The following EFCAB6 variants were observed in gnomAD, a reference collection of about 807,000 sequenced individuals.
EFCAB6 encodes EF-hand calcium binding domain 6.
Under a neutral mutation model 169.8 loss-of-function variants are expected in EFCAB6, and 156 were observed. The observed-to-expected ratio is 0.92, with a 90% CI of 0.81 to 1.05. The LOEUF is 1.05. EFCAB6 is among the 50% of genes least tolerant of loss of function. EFCAB6 has a pLI of 0.00. For missense variants in EFCAB6, 1,800 were observed against 1,829.1 expected (o/e 0.98, Z 0.29); for synonymous variants, 698 against 676.4 (o/e 1.03, Z -0.50).
chr22:43,674,380 G>T (rs1206590991), intron 13 of EFCAB6, among the ~76,000 whole-genome samples: 2 of 152,168 alleles, frequency 1.3e-5, no homozygotes, highest in African/African-American at 4.8e-5. Context: ...GTGGAGACAG[G>T]ACCACATCAG....
At chr22:43,603,258 T>C (rs2147561334) in intron 22 of EFCAB6, among the ~76,000 whole-genome samples, 1 of 152,272 alleles carries the variant, frequency 6.6e-6, no homozygotes, top group East Asian at 1.9e-4. Flanking sequence ...CAACTGCAAC[T>C]AAAATATTGT....
At chr22:43,622,030 T>A (rs1391080908) in intron 20 of EFCAB6, among the ~76,000 whole-genome samples, 1 of 152,148 alleles carries the variant, frequency 6.6e-6, no homozygotes, top group South Asian at 2.1e-4. Context: ...ATTAACTGGA[T>A]TTATAGGTAC....
rs768007652 is a variant in EFCAB6, at chr22:43,530,856, C to T, written c.4342G>A (p.Glu1448Lys). The T allele has an allele frequency of 1.2e-6, 2 of 1,614,080 alleles. No homozygotes were observed. The highest frequency in any genetic ancestry group is 1.3e-5 in the African/African-American group (1 of 74,948). Residue 1448 changes from glutamate to lysine, a missense_variant, in exon 31 of 32, where the codon GAG (glutamate) becomes AAG (lysine). Glu to Lys is a moderately conservative substitution (Grantham distance 56). Coordinates refer to ENST00000262726, the MANE Select transcript of EFCAB6 (RefSeq NM_022785.4). ...PMRRTFKSYD[E>K]AGTGLLSVAD... is the part of the protein sequence containing the mutation. ...ACGCTTAGCAGCCCTGTTCCAGCCT[C>T]ATCATAGCTTTTGAACGTGCGCCGC...
At chr22:43,636,160 C>A (rs2055378023) in intron 17 of EFCAB6, among the ~76,000 whole-genome samples, 1 of 152,184 alleles carries the variant, frequency 6.6e-6, no homozygotes, top group Admixed American at 6.5e-5. Flanking sequence ...GGACGGAAGG[C>A]TTTCTAGGAG....
chr22:43,558,927 C>G (rs2048865271), intron 26 of EFCAB6, among the ~76,000 whole-genome samples: 2 of 152,102 alleles, frequency 1.3e-5, no homozygotes, highest in African/African-American at 4.8e-5. Flanking sequence ...CTGAGACATG[C>G]CTGTATGAAG....
intron 26 of EFCAB6, among the ~76,000 whole-genome samples, chr22:43,573,732 C>CAA (rs748024357): frequency 1.4e-3 from 119 of 85,300 alleles, no homozygotes; most frequent in East Asian, 4.7e-3. Flanking sequence ...TCTGTCTCAA[C>CAA]AAAAAAAAAA....
rs2047028644 is a variant in EFCAB6 at position 43,531,025 on chromosome 22, TC to T, written c.4234-62del. 25 of 1,603,412 alleles carry T rather than the reference TC, an allele frequency of 1.6e-5. No homozygotes were observed. In the East Asian group the frequency reaches 5.4e-4, roughly 34 times the overall value. ...TTTGAACACGAGGGTTGGGGTGGGC[TC>T]CTCCTCGCCTCGCCCCCGCCTCGCC... On this transcript the variant is annotated intron_variant, in intron 30 of 31. Transcript: ENST00000262726.
intron 22 of EFCAB6, among the ~76,000 whole-genome samples, chr22:43,605,272 A>G (rs1418106968): frequency 1.3e-5 from 2 of 152,222 alleles, no homozygotes; most frequent in African/African-American, 4.8e-5. Flanking sequence ...TTCATAATTT[A>G]ACTTTAAAGC....
chr22:43,662,093 G>A (rs2057030744), intron 17 of EFCAB6, among the ~76,000 whole-genome samples: 1 of 151,446 alleles, frequency 6.6e-6, no homozygotes, highest in Non-Finnish European at 1.5e-5. Context: ...AGGAGGCAGA[G>A]GTTGCAGTGA....
intron 9 of EFCAB6, among the ~76,000 whole-genome samples, chr22:43,715,479 G>A (rs971342854): frequency 3.9e-5 from 6 of 152,182 alleles, no homozygotes; most frequent in South Asian, 2.1e-4. Flanking sequence ...TAAATATGAT[G>A]GCGATGCTGA....
intron 3 of EFCAB6, among the ~76,000 whole-genome samples, chr22:43,777,556 C>T (rs1324652612): frequency 6.6e-6 from 1 of 152,216 alleles, no homozygotes; most frequent in Non-Finnish European, 1.5e-5. Flanking sequence ...GATTCACACA[C>T]AGCAGCTGCG....
rs1199517830 is a variant in EFCAB6 at position 43,784,501 on chromosome 22, A to AT, written c.-7-2177_-7-2176insA. ...CCCTGTCTCTACCAAAAAAAAAAAA[A>AT]AATATATATATGTGTGTGTGTGTGT... On this transcript the variant is annotated intron_variant, in intron 2 of 31. Transcript: ENST00000262726. Among the ~76,000 whole-genome samples, 107 of 81,284 alleles carry AT rather than the reference A, an allele frequency of 1.3e-3. 4 individuals are homozygous for AT. Among genetic ancestry groups the AT allele is most frequent in the African/African-American group, 5.0e-3 (102 of 20,574 alleles). The allele number at this position is 81,284 out of a possible 152,430, so 53.3% of individuals were successfully genotyped here.
At position 43,572,061 on chromosome 22, in the gene EFCAB6, C is replaced by T. The variant is rs908797658; in HGVS notation, c.3420+4236G>A. On this transcript the variant is annotated intron_variant, in intron 26 of 31. Coordinates refer to ENST00000262726, the MANE Select transcript of EFCAB6 (RefSeq NM_022785.4). This position sits in a 1 kb window ranked among gnomAD's most constrained non-coding sequence, Gnocchi z 4.0. ...CTGATGGGACAGGGCAGGAGGTGGC[C>T]GGTGCAGGGATGCGTGCTGCAGGGA... Among the ~76,000 whole-genome samples the T allele has an allele frequency of 6.6e-6, 1 of 152,150 alleles. No individual in the cohort carries two copies. Among genetic ancestry groups the T allele is most frequent in the Non-Finnish European group, 1.5e-5 (1 of 68,036 alleles).
intron 13 of EFCAB6, among the ~76,000 whole-genome samples, chr22:43,677,455 G>A (rs536980882): frequency 2.6e-5 from 4 of 152,236 alleles, no homozygotes; most frequent in African/African-American, 9.6e-5. Flanking sequence ...AGACCAGCCT[G>A]GCCAACATGG....
intron 8 of EFCAB6, among the ~76,000 whole-genome samples, chr22:43,728,304 T>G (rs184323488): frequency 3.1e-4 from 47 of 152,332 alleles, no homozygotes; most frequent in African/African-American, 1.1e-3. Flanking sequence ...CTTTATCCAG[T>G]CTATCATTTA....
intron 8 of EFCAB6, among the ~76,000 whole-genome samples, chr22:43,724,516 C>A (rs199670216): frequency 6.6e-6 from 1 of 151,860 alleles, no homozygotes; most frequent in Non-Finnish European, 1.5e-5. Context: ...TACAGGCACA[C>A]GCCACCACGC....
intron 24 of EFCAB6, among the ~76,000 whole-genome samples, chr22:43,586,863 G>A (rs1372847056): frequency 6.6e-6 from 1 of 152,130 alleles, no homozygotes; most frequent in Non-Finnish European, 1.5e-5. Flanking sequence ...ATGAGCCCTT[G>A]CAATGGTTCT....
chr22:43,531,433 G>A (rs1247707809), intron 30 of EFCAB6, among the ~76,000 whole-genome samples: 1 of 151,986 alleles, frequency 6.6e-6, no homozygotes, highest in East Asian at 1.9e-4. Flanking sequence ...TTATTATAAT[G>A]AACAGTGTTA....
In EFCAB6 at chr22:43,761,160, G is replaced by A. The variant is rs532745452; in HGVS notation, c.440+4145C>T. 2.6e-5 allele frequency among the ~76,000 whole-genome samples: 4 copies of A among 152,318 alleles called. No homozygotes were observed. The East Asian group carries it at 5.8e-4, about 22-fold the overall frequency. ...CTTCCTCCTTCCACTCTGCAAGGATGCAGTAAAGAGGCCCTCACCACATTG... is the reference window on the plus strand; with the variant it reads ...CTTCCTCCTTCCACTCTGCAAGGATACAGTAAAGAGGCCCTCACCACATTG... On this transcript the variant is annotated intron_variant, in intron 5 of 31. Coordinates refer to ENST00000262726, the MANE Select transcript of EFCAB6 (RefSeq NM_022785.4).
Sources: gnomAD v4.1 joint callset for allele counts (sites outside exome capture counted in the v4.1 genomes callset) on GRCh38, gnomAD v4.1.1 for gene constraint, Gnocchi (gnomAD v3.1) non-coding constraint, MANE v1.5 for transcripts, NCBI Gene and HGNC (gene_info 2026-07-23, HGNC 2026-07-21) for gene names.